The following RALGPS2 variants were observed in gnomAD, a reference collection of about 807,000 sequenced individuals.
The protein encoded by RALGPS2 is ras-specific guanine nucleotide-releasing factor RalGPS2.
RALGPS2 carries 43 observed loss-of-function variants against 86.8 expected under a neutral mutation model. The ratio of observed to expected loss-of-function variants is 0.50; its 90% confidence interval spans 0.39 to 0.64. The LOEUF (loss-of-function observed/expected upper bound fraction) is 0.64. RALGPS2 is among the 30% of genes least tolerant of loss of function. The probability of loss-of-function intolerance (pLI) is 0.00; values close to 1 mark genes in which losing one functional copy is unlikely to be tolerated. For missense variants in RALGPS2, 536 were observed against 694.6 expected (o/e 0.77, Z 2.57); for synonymous variants, 243 against 231.3 (o/e 1.05, Z -0.46).
chr1:178,785,461 G>T, intron 3 of RALGPS2, 96 bp from the exon 4 acceptor site: 1 of 1,271,868 alleles, frequency 7.9e-7, no homozygotes, highest in South Asian at 2.1e-5. Context: ...TTGAGTATTT[G>T]GTAATATTTT....
At chr1:178,805,758 T>C (rs1295337809) in intron 4 of RALGPS2, among the ~76,000 whole-genome samples, 1 of 152,180 alleles carries the variant, frequency 6.6e-6, no homozygotes, top group African/African-American at 2.4e-5. Flanking sequence ...CATTTCTCCT[T>C]CTTTTGCACA....
chr1:178,747,893 T>G, intron 1 of RALGPS2: 1 of 539,614 alleles, frequency 1.9e-6, no homozygotes. Context: ...ATCAGTGAAC[T>G]AGCACTACCT....
intron 8 of RALGPS2, among the ~76,000 whole-genome samples, chr1:178,845,092 A>G (rs1398056893): frequency 1.4e-5 from 2 of 145,756 alleles, no homozygotes; most frequent in Admixed American, 1.4e-4. Flanking sequence ...ACAGAGCAAG[A>G]CTCCATCTCA....
intron 2 of RALGPS2, among the ~76,000 whole-genome samples, chr1:178,777,057 C>A (rs1286352309): frequency 1.3e-5 from 2 of 150,790 alleles, no homozygotes; most frequent in South Asian, 4.2e-4. Context: ...CCCACTAACT[C>A]GTCATCTAGC....
chr1:178,777,448 G>C (rs993706526), intron 2 of RALGPS2, among the ~76,000 whole-genome samples: 11 of 151,628 alleles, frequency 7.3e-5, no homozygotes, highest in African/African-American at 2.2e-4. Context: ...AATCAATATG[G>C]TGAAAATGGC....
intron 8 of RALGPS2, among the ~76,000 whole-genome samples, chr1:178,855,978 TAATA>T (rs1657511896): frequency 1.3e-5 from 2 of 148,352 alleles, no homozygotes; most frequent in Non-Finnish European, 3.0e-5. Context: ...AACAAAAAAG[TAATA>T]TATATAAGAA....
intron 8 of RALGPS2, among the ~76,000 whole-genome samples, chr1:178,835,208 TG>T (rs1017447288): frequency 1.1e-4 from 17 of 152,176 alleles, no homozygotes; most frequent in Admixed American, 9.2e-4. Flanking sequence ...TTTTATAGTA[TG>T]AAGAACATTA....
intron 1 of RALGPS2, among the ~76,000 whole-genome samples, chr1:178,769,223 C>G (rs1037960204): frequency 6.6e-6 from 1 of 151,432 alleles, no homozygotes; most frequent in Non-Finnish European, 1.5e-5. Flanking sequence ...GCTGCTGAAG[C>G]AGGCAAGTGA....
intron 4 of RALGPS2, among the ~76,000 whole-genome samples, chr1:178,799,108 C>A (rs1164157124): frequency 2.0e-5 from 3 of 152,128 alleles, no homozygotes; most frequent in Admixed American, 2.0e-4. Flanking sequence ...GGCGCGATCT[C>A]CGCTCACCAC....
intron 1 of RALGPS2, among the ~76,000 whole-genome samples, chr1:178,769,364 C>T (rs1224187171): frequency 2.0e-5 from 3 of 151,936 alleles, no homozygotes; most frequent in East Asian, 1.9e-4. Flanking sequence ...TCTGCCTAAG[C>T]GTGCAGTAGA....
chr1:178,752,275 A>G (rs551818292), intron 1 of RALGPS2, among the ~76,000 whole-genome samples: 2 of 151,078 alleles, frequency 1.3e-5, no homozygotes, highest in African/African-American at 2.4e-5. Flanking sequence ...AGCTGGGACT[A>G]TGGGACTATA....
At chr1:178,869,857 T>C (rs1047223654) in intron 8 of RALGPS2, among the ~76,000 whole-genome samples, 5 of 152,096 alleles carry the variant, frequency 3.3e-5, no homozygotes, top group Non-Finnish European at 7.4e-5. Context: ...TTTAATAGTT[T>C]TTATAATGCA....
intron 6 of RALGPS2, among the ~76,000 whole-genome samples, chr1:178,818,990 C>CTTT (rs58110181): frequency 3.7e-5 from 5 of 135,608 alleles, no homozygotes; most frequent in African/African-American, 1.4e-4. Flanking sequence ...TTTTCTTTTT[C>CTTT]TTTTTTTTTT....
At chr1:178,790,211 CA>C (rs1389753754) in intron 4 of RALGPS2, among the ~76,000 whole-genome samples, 2 of 152,152 alleles carry the variant, frequency 1.3e-5, no homozygotes, top group Non-Finnish European at 2.9e-5. Context: ...CTTGGCCTGC[CA>C]AAGTGCTGGG....
intron 19 of RALGPS2, among the ~76,000 whole-genome samples, chr1:178,908,786 T>G (rs1279781834): frequency 6.6e-6 from 1 of 152,162 alleles, no homozygotes; most frequent in Non-Finnish European, 1.5e-5. Flanking sequence ...AATTTAAGTT[T>G]CTTATAGATT....
At chr1:178,874,291 TAAA>T (rs1658902605) in intron 8 of RALGPS2, among the ~76,000 whole-genome samples, 1 of 152,272 alleles carries the variant, frequency 6.6e-6, no homozygotes, top group African/African-American at 2.4e-5. Flanking sequence ...ATGTAACCAA[TAAA>T]AAAGTTAATA....
chr1:178,844,694 C>G (rs1558145939), intron 8 of RALGPS2, among the ~76,000 whole-genome samples: 1 of 152,126 alleles, frequency 6.6e-6, no homozygotes, highest in Non-Finnish European at 1.5e-5. Flanking sequence ...TTGTTCTTGT[C>G]ATTGGAGAAC....
chr1:178,885,958 TC>T lies in RALGPS2; in HGVS notation c.1041-10del, dbSNP rs759215821. 7.0e-6 allele frequency: 11 copies of T among 1,567,954 alleles called. No individual in the cohort carries two copies. The East Asian group carries it at 2.5e-4, about 35-fold the overall frequency. On this transcript the variant is annotated splice_polypyrimidine_tract_variant and intron_variant, in intron 12 of 19. Coordinates refer to ENST00000367635, the MANE Select transcript of RALGPS2 (RefSeq NM_152663.5). ...ATAATAAAAGATATGAACTTTTTTT[TC>T]TGTTTCTAGTTTCATTCATAAAATG... is the stretch of plus-strand genomic sequence containing the variant.
intron 6 of RALGPS2, among the ~76,000 whole-genome samples, chr1:178,815,682 A>G (rs945369739): frequency 6.6e-6 from 1 of 152,214 alleles, no homozygotes; most frequent in Admixed American, 6.5e-5. Flanking sequence ...CAGCAGATTC[A>G]GTGTCTGGTA....
Sources: allele counts gnomAD v4.1 joint callset (sites outside exome capture counted in the v4.1 genomes callset), GRCh38; gene constraint gnomAD v4.1.1; transcripts MANE v1.5; gene names NCBI Gene and HGNC (gene_info 2026-07-23, HGNC 2026-07-21).